POLN: variants seen among roughly 807,000 people sequenced by gnomAD.
POLN encodes DNA polymerase nu, also known as DNA polymerase N.
POLN carries 108 observed loss-of-function variants against 113.5 expected under a neutral mutation model. The observed-to-expected ratio is 0.95, with a 90% CI of 0.81 to 1.12. The LOEUF (loss-of-function observed/expected upper bound fraction) is 1.12. Among genes scored for constraint, POLN ranks in the 50% most tolerant of loss-of-function variants. POLN has a pLI of 0.00. For synonymous variants in POLN, 386 were observed against 391.5 expected, an observed-to-expected ratio of 0.99 and a Z score of 0.17; for missense variants, 1,097 against 1,077.1, an observed-to-expected ratio of 1.02 and a Z score of -0.26.
intron 19 of POLN, among the ~76,000 whole-genome samples, chr4:2,109,570 T>C (rs1451892767): frequency 6.6e-6 from 1 of 152,184 alleles, no homozygotes. Context: ...TTTTAATAGG[T>C]GTATTAAAAT....
At chr4:2,090,065 T>C in intron 20 of POLN, 1 of 905,174 alleles carries the variant, frequency 1.1e-6, no homozygotes, top group African/African-American at 1.7e-5. Context: ...AATCCATATT[T>C]TCCTACTGAG....
In POLN at chr4:2,095,950, T is replaced by C. The variant is rs771152443; in HGVS notation, c.1983-17A>G. 6.2e-7 allele frequency: 1 copy of C among 1,612,564 alleles called. No homozygotes were observed. The highest frequency in any genetic ancestry group is 8.5e-7 in the Non-Finnish European group (1 of 1,178,626). ...ACATCCTTCCTGCATGGAGAGACCA[T>C]GTGTGAAGTTCAGGCACAGAAGGCA... is the stretch of plus-strand genomic sequence containing the variant. On this transcript the variant is annotated splice_polypyrimidine_tract_variant and intron_variant, in intron 19 of 25. Transcript: ENST00000511885.
At chr4:2,161,472 C>T (rs1051615800) in intron 13 of POLN, among the ~76,000 whole-genome samples, 1 of 152,228 alleles carries the variant, frequency 6.6e-6, no homozygotes, top group African/African-American at 2.4e-5. Flanking sequence ...GCGCTGCGCT[C>T]GATTTCTCAC....
chr4:2,076,010 C>T (rs1054991259), intron 23 of POLN, among the ~76,000 whole-genome samples: 1 of 152,184 alleles, frequency 6.6e-6, no homozygotes, highest in Non-Finnish European at 1.5e-5. Flanking sequence ...CTCAGGGCTT[C>T]TCCGAGACCT....
At chr4:2,128,275 C>T (rs1229288943) in intron 18 of POLN, 48 bp from the exon 19 acceptor site, 2 of 1,265,476 alleles carry the variant, frequency 1.6e-6, no homozygotes, top group East Asian at 2.4e-5. Context: ...AGCAATGTTC[C>T]TCGTGTTTGC....
intron 2 of POLN, chr4:2,236,350 G>A: frequency 1.2e-6 from 2 of 1,612,510 alleles, no homozygotes; most frequent in South Asian, 1.1e-5. Context: ...AACTGATCTT[G>A]TACTAAAGAA....
intron 11 of POLN, among the ~76,000 whole-genome samples, chr4:2,173,514 C>T (rs1272771101): frequency 6.6e-6 from 1 of 152,048 alleles, no homozygotes; most frequent in African/African-American, 2.4e-5. Flanking sequence ...TTGCCCCGCC[C>T]CGCCACTGCT....
intron 2 of POLN, chr4:2,236,251 T>C: frequency 2.5e-6 from 4 of 1,611,652 alleles, no homozygotes; most frequent in Non-Finnish European, 3.4e-6. Context: ...AAAAGCTGAT[T>C]TCCTCCTTGA....
chr4:2,179,573 C>T (rs1276151112), intron 7 of POLN, 108 bp from the exon 8 acceptor site: 17 of 1,122,830 alleles, frequency 1.5e-5, no homozygotes, highest in Non-Finnish European at 2.1e-5. Context: ...TTGTCATCCT[C>T]TCAAATTATA....
chr4:2,150,657 T>G (rs1732270154), intron 16 of POLN, among the ~76,000 whole-genome samples: 1 of 152,192 alleles, frequency 6.6e-6, no homozygotes, highest in African/African-American at 2.4e-5. Flanking sequence ...TCAACTAGAC[T>G]GAGTTCAGAG....
intron 7 of POLN, among the ~76,000 whole-genome samples, chr4:2,187,945 C>T (rs7681886): frequency 0.25 from 37,251 of 151,688 alleles, 7,023 homozygotes; most frequent in African/African-American, 0.51. Context: ...ACCCCTGTCT[C>T]TACAAAATAA....
chr4:2,208,242 A>T lies in POLN; in HGVS notation c.459T>A (p.Asn153Lys). ...NINNENKGSI[N>K]LKRKHITYNN... The stretch of plus-strand genomic sequence containing the variant: ...TATATGTAATATGTTTTCTTTTAAG[A>T]TTAATGCTTCCTTTATTTTCATTAT... Residue 153 changes from asparagine (N) to lysine (K), a missense_variant, in exon 5 of 26, where the codon AAT becomes AAA. By Grantham distance (94) the Asn-to-Lys change is moderately conservative. Coordinates refer to ENST00000511885, the MANE Select transcript of POLN (RefSeq NM_181808.4). 6.3e-7 allele frequency: 1 copy of T among 1,587,828 alleles called. No individual in the cohort carries two copies. The highest frequency in any genetic ancestry group is 8.6e-7 in the Non-Finnish European group (1 of 1,160,908).
intron 19 of POLN, among the ~76,000 whole-genome samples, chr4:2,124,886 G>A (rs778763715): frequency 8.5e-5 from 13 of 152,106 alleles, no homozygotes; most frequent in African/African-American, 2.9e-4. Flanking sequence ...ACAAATAAAC[G>A]CCTATGTAGG....
chr4:2,156,710 A>G (rs899355848), intron 16 of POLN, 78 bp downstream of exon 16: 1 of 1,167,880 alleles, frequency 8.6e-7, no homozygotes, highest in Non-Finnish European at 1.3e-6. Context: ...GTGCACAGGC[A>G]AACACATATG....
intron 3 of POLN, among the ~76,000 whole-genome samples, chr4:2,224,604 T>C (rs1311662850): frequency 6.6e-6 from 1 of 152,176 alleles, no homozygotes; most frequent in Non-Finnish European, 1.5e-5. Context: ...CAGAGTGCTA[T>C]ACTTTTATAC....
chr4:2,133,259 G>A (rs896725775), intron 16 of POLN, among the ~76,000 whole-genome samples: 4 of 151,982 alleles, frequency 2.6e-5, no homozygotes, highest in Non-Finnish European at 5.9e-5. Flanking sequence ...CAATATGGAG[G>A]TTCCTCAAAA....
chr4:2,184,373 C>CA (rs1347774915), intron 7 of POLN, among the ~76,000 whole-genome samples: 1 of 151,390 alleles, frequency 6.6e-6, no homozygotes, highest in Non-Finnish European at 1.5e-5. Flanking sequence ...CACTTTATGC[C>CA]AAAAAACAAT....
chr4:2,183,414 GATGA>G (rs1289562367), intron 7 of POLN, among the ~76,000 whole-genome samples: 8 of 152,186 alleles, frequency 5.3e-5, no homozygotes, highest in Non-Finnish European at 8.8e-5. Context: ...TTCATCAACT[GATGA>G]ATGAACAAAA....
At chr4:2,191,503 G>C (rs1407317512) in intron 7 of POLN, among the ~76,000 whole-genome samples, 1 of 152,068 alleles carries the variant, frequency 6.6e-6, no homozygotes, top group South Asian at 2.1e-4. Context: ...AATATTCCCA[G>C]TATAAAGAAA....
Sources: gnomAD v4.1 joint callset for allele counts (sites outside exome capture counted in the v4.1 genomes callset) on GRCh38, gnomAD v4.1.1 for gene constraint, MANE v1.5 for transcripts, NCBI Gene and HGNC (gene_info 2026-07-23, HGNC 2026-07-21) for gene names.